The following THEM6 variants were observed in gnomAD, a reference collection of about 807,000 sequenced individuals.
The protein encoded by THEM6 is protein THEM6.
In THEM6, 10 loss-of-function variants were observed where a neutral mutation model predicts 13.7. That is an observed-to-expected ratio of 0.73 (90% CI 0.45 to 1.24). THEM6 has a LOEUF of 1.24. Among genes scored for constraint, THEM6 ranks in the 50% most tolerant of loss-of-function variants. The pLI, the probability that THEM6 is intolerant of heterozygous loss-of-function variation, is 0.00. For missense variants in THEM6, 317 were observed against 312.6 expected (o/e 1.01, Z -0.11); for synonymous variants, 161 against 156.0 (o/e 1.03, Z -0.24).
At chr8:142,732,711 C>CTTTTTTTT (rs35409782) in intron 1 of THEM6, among the ~76,000 whole-genome samples, 1 of 134,392 alleles carries the variant, frequency 7.4e-6, no homozygotes. Context: ...TGGCCAGTTT[C>CTTTTTTTT]TTTTTTTTTT....
intron 1 of THEM6, among the ~76,000 whole-genome samples, chr8:142,732,737 TGA>T (rs1230993065): frequency 6.8e-6 from 1 of 147,800 alleles, no homozygotes; most frequent in Non-Finnish European, 1.5e-5. Flanking sequence ...TCTGCATTGC[TGA>T]GAGTCCGGGT....
Position 142,727,442 on chromosome 8 carries a change from G to A in THEM6, c.96G>A (p.Leu32=), listed in dbSNP as rs1815517219. The part of the protein sequence containing the change: ...WYLVRLPCAV[L]RARLLQPRVR... ...TGGTGCGCCTTCCGTGCGCCGTGCT[G>A]CGCGCGCGCCTGCTGCAGCCGCGCG... The change falls in exon 1 of 2, where the codon CTG becomes CTA. Residue 32 remains leucine (L), a synonymous_variant. Transcript: ENST00000336138. The A allele has an allele frequency of 1.9e-6, 3 of 1,553,814 alleles. No homozygotes were observed. The highest frequency in any genetic ancestry group is 1.8e-5 in the Admixed American group (1 of 54,794).
intron 1 of THEM6, among the ~76,000 whole-genome samples, chr8:142,731,400 G>T (rs1408552599): frequency 6.6e-6 from 1 of 152,018 alleles, no homozygotes; most frequent in East Asian, 1.9e-4. Flanking sequence ...GACATACCTT[G>T]TATATAAACT....
At chr8:142,732,573 TACAC>T (rs2129998618) in intron 1 of THEM6, among the ~76,000 whole-genome samples, 1 of 152,212 alleles carries the variant, frequency 6.6e-6, no homozygotes, top group African/African-American at 2.4e-5. Flanking sequence ...CATTCACACA[TACAC>T]ACATTCAGCC....
chr8:142,732,711 C>CT (rs35409782), intron 1 of THEM6, among the ~76,000 whole-genome samples: 37,733 of 134,280 alleles, frequency 0.28, 5,763 homozygotes, highest in Admixed American at 0.35. Flanking sequence ...TGGCCAGTTT[C>CT]TTTTTTTTTT....
At chr8:142,729,858 C>T (rs1175007789) in intron 1 of THEM6, among the ~76,000 whole-genome samples, 2 of 152,174 alleles carry the variant, frequency 1.3e-5, no homozygotes, top group Non-Finnish European at 2.9e-5. Flanking sequence ...TGTATAGTCC[C>T]GTTTACTACA....
chr8:142,735,440 C>A lies in THEM6; in HGVS notation c.*1C>A. The A allele has an allele frequency of 6.4e-7, 1 of 1,563,788 alleles. No individual in the cohort carries two copies. ...CAGTGATGTCACCAAGGACCAGTGA[C>A]CGCCACCTTCACACCGTCTGCCCTG... On this transcript the variant is annotated 3_prime_UTR_variant, in exon 2 of 2. Transcript: ENST00000336138.
intron 1 of THEM6, among the ~76,000 whole-genome samples, chr8:142,734,188 T>G (rs1372797613): frequency 6.6e-6 from 1 of 152,182 alleles, no homozygotes; most frequent in East Asian, 1.9e-4. Context: ...TTCATTCAGA[T>G]GGTTGGGGGT....
Position 142,735,696 on chromosome 8 carries a change from C to G in THEM6, c.*257C>G, listed in dbSNP as rs941622221. 11 of 493,342 alleles carry G rather than the reference C, an allele frequency of 2.2e-5. No homozygotes were observed. In the Admixed American group the frequency reaches 3.6e-4, roughly 16 times the overall value. 30.6% of individuals were successfully genotyped at this position (493,342 alleles called of 1,614,324 possible). ...GGGGATGGATGGGCAAAGGAGAGTC[C>G]TGCCTGGCCCTACGATGAGGCCACT... On this transcript the variant is annotated 3_prime_UTR_variant, in exon 2 of 2. Coordinates refer to ENST00000336138, the MANE Select transcript of THEM6 (RefSeq NM_016647.3).
rs1217552333 is a variant in THEM6, at chr8:142,732,161, A to AACAT, written c.514-3164_514-3163insCATA. 7.7e-3 allele frequency among the ~76,000 whole-genome samples: 286 copies of AACAT among 37,162 alleles called. 14 individuals are homozygous for AACAT. Among genetic ancestry groups the AACAT allele is most frequent in the African/African-American group, 0.012 (169 of 14,352 alleles). The allele number at this position is 37,162 out of a possible 152,430, so 24.4% of individuals were successfully genotyped here. ...GTGAAGAGGGGAAAAGGGAGTTTTG[A>AACAT]ATATATATATATATATATATATATA... On this transcript the variant is annotated intron_variant, in intron 1 of 1. Transcript: ENST00000336138.
intron 1 of THEM6, among the ~76,000 whole-genome samples, chr8:142,729,768 T>C (rs1815603747): frequency 6.6e-6 from 1 of 152,196 alleles, no homozygotes; most frequent in African/African-American, 2.4e-5. Flanking sequence ...GGTAGTCCTT[T>C]CAGTGAAATA....
At chr8:142,732,153 G>C (rs1815658180) in intron 1 of THEM6, among the ~76,000 whole-genome samples, 1 of 77,342 alleles carries the variant, frequency 1.3e-5, no homozygotes, top group African/African-American at 4.4e-5. Flanking sequence ...GGGGAAAAGG[G>C]AGTTTTGAAT....
At chr8:142,729,600 G>A (rs1187032299) in intron 1 of THEM6, among the ~76,000 whole-genome samples, 1 of 152,088 alleles carries the variant, frequency 6.6e-6, no homozygotes, top group Non-Finnish European at 1.5e-5. Context: ...GGGGGAGATG[G>A]GGGAATAATG....
rs749647682 is a variant in THEM6 at position 142,729,412 on chromosome 8, C to G, written c.513+1553C>G. Among the ~76,000 whole-genome samples the G allele has an allele frequency of 2.6e-5, 4 of 152,188 alleles. No individual in the cohort carries two copies. The South Asian group carries it at 8.3e-4, about 32-fold the overall frequency. ...TTTATAACCTGATGTGTAACAATCG[C>G]TTTTATTTAAAGTGCGAACGGAATA... On this transcript the variant is annotated intron_variant, in intron 1 of 1. Transcript: ENST00000336138.
chr8:142,733,687 G>T (rs938662759), intron 1 of THEM6, among the ~76,000 whole-genome samples: 2 of 152,200 alleles, frequency 1.3e-5, no homozygotes, highest in African/African-American at 4.8e-5. Context: ...GTTGAGTCAT[G>T]TGAACCAAAA....
At chr8:142,729,861 T>A (rs1238021275) in intron 1 of THEM6, among the ~76,000 whole-genome samples, 1 of 152,220 alleles carries the variant, frequency 6.6e-6, no homozygotes, top group African/African-American at 2.4e-5. Context: ...ATAGTCCCGT[T>A]TACTACAAAG....
chr8:142,728,600 G>T (rs1411212372), intron 1 of THEM6, among the ~76,000 whole-genome samples: 1 of 152,244 alleles, frequency 6.6e-6, no homozygotes. Context: ...TCTCGGACAG[G>T]TGCCTCCCGA....
At chr8:142,731,004 C>A (rs1815635907) in intron 1 of THEM6, among the ~76,000 whole-genome samples, 1 of 152,194 alleles carries the variant, frequency 6.6e-6, no homozygotes, top group Non-Finnish European at 1.5e-5. Flanking sequence ...CTCAGCCTTC[C>A]AAAGTGCTGG....
intron 1 of THEM6, among the ~76,000 whole-genome samples, chr8:142,732,809 G>A (rs1256675647): frequency 6.6e-6 from 1 of 151,570 alleles, no homozygotes; most frequent in Non-Finnish European, 1.5e-5. Flanking sequence ...CAGTGAGGCA[G>A]AGGAGCGTGC....
Sources: allele counts gnomAD v4.1 joint callset (sites outside exome capture counted in the v4.1 genomes callset), GRCh38; gene constraint gnomAD v4.1.1; transcripts MANE v1.5; gene names NCBI Gene and HGNC (gene_info 2026-07-23, HGNC 2026-07-21).